ZNF732: variants seen among roughly 807,000 people sequenced by gnomAD.
The protein encoded by ZNF732 is zinc finger protein LOC654254.
In ZNF732, 12 loss-of-function variants were observed where a neutral mutation model predicts 11.5. The ratio of observed to expected loss-of-function variants is 1.05; its 90% CI spans 0.67 to 1.70. ZNF732 has a LOEUF of 1.70. Ranked by LOEUF, ZNF732 falls within the 40% of genes most tolerant of loss-of-function variation. The probability of loss-of-function intolerance (pLI) is 0.00; values close to 1 mark genes in which losing one functional copy is unlikely to be tolerated. For synonymous variants in ZNF732, 231 were observed against 236.5 expected (o/e 0.98, Z 0.21); for missense variants, 702 against 676.9 (o/e 1.04, Z -0.41).
intron 3 of ZNF732, among the ~76,000 whole-genome samples, chr4:280,571 G>A (rs1232643703): frequency 6.6e-6 from 1 of 151,954 alleles, no homozygotes; most frequent in Non-Finnish European, 1.5e-5. Flanking sequence ...GGCAACAAGA[G>A]CAAAAAATTC....
intron 3 of ZNF732, among the ~76,000 whole-genome samples, chr4:275,480 C>G (rs1226997453): frequency 6.6e-6 from 1 of 151,696 alleles, no homozygotes; most frequent in Non-Finnish European, 1.5e-5. Flanking sequence ...AGAGGCTTCA[C>G]AGCTCCTGAT....
chr4:299,604 ATTAT>A (rs1373248512), intron 1 of ZNF732, among the ~76,000 whole-genome samples: 3 of 126,756 alleles, frequency 2.4e-5, no homozygotes, highest in Non-Finnish European at 4.9e-5. Context: ...ATATTTATAA[ATTAT>A]TTATATATAA....
At chr4:277,713 A>G (rs897085493) in intron 3 of ZNF732, among the ~76,000 whole-genome samples, 2 of 152,094 alleles carry the variant, frequency 1.3e-5, no homozygotes, top group Non-Finnish European at 2.9e-5. Flanking sequence ...ATATTTAAAC[A>G]ATCAACAAAT....
In ZNF732 at chr4:293,282, GTA is replaced by G. The variant is rs139781518; in HGVS notation, c.226+2154_226+2155del. ...CACATATATATGTATATATGTATGT[GTA>G]TATATATATATATATGTGTGTGTGT... On this transcript the variant is annotated intron_variant, in intron 3 of 3. Transcript: ENST00000419098. 8.2e-3 allele frequency among the ~76,000 whole-genome samples: 1,148 copies of G among 140,150 alleles called. 8 individuals carry two copies. Among genetic ancestry groups the G allele is most frequent in the Middle Eastern group, 0.015 (4 of 270 alleles). 91.9% of individuals were successfully genotyped at this position (140,150 alleles called of 152,430 possible).
At position 283,972 on chromosome 4, in the gene ZNF732, G is replaced by A. The variant is rs1421845391; in HGVS notation, c.227-11342C>T. Reference sequence around the variant, plus strand: ...GTCGCCCAGGCTGTAGTGCAGTGGTGCGATCTCGGCTCACTGCAAGTTCCG... The same window carrying A: ...GTCGCCCAGGCTGTAGTGCAGTGGTACGATCTCGGCTCACTGCAAGTTCCG... On this transcript the variant is annotated intron_variant, in intron 3 of 3. Coordinates refer to ENST00000419098, the MANE Select transcript of ZNF732 (RefSeq NM_001137608.3). 7.9e-5 allele frequency among the ~76,000 whole-genome samples: 12 copies of A among 152,124 alleles called. 1 individual carries two copies. Among genetic ancestry groups the A allele is most frequent in the African/African-American group, 2.9e-4 (12 of 41,500 alleles).
chr4:295,382 C>T, intron 3 of ZNF732, 56 bp downstream of exon 3: 1 of 1,404,084 alleles, frequency 7.1e-7, no homozygotes, highest in Non-Finnish European at 9.7e-7. Context: ...GGCCTAGCTT[C>T]CTTCTGGACC....
At chr4:297,131 A>G (rs1398788608) in intron 1 of ZNF732, among the ~76,000 whole-genome samples, 2 of 152,054 alleles carry the variant, frequency 1.3e-5, no homozygotes, top group African/African-American at 4.8e-5. Flanking sequence ...AACCAGGCAT[A>G]GTGGCGTGCG....
chr4:295,590 A>C, intron 2 of ZNF732, 57 bp from the exon 3 acceptor site: 1 of 1,352,190 alleles, frequency 7.4e-7, no homozygotes, highest in Non-Finnish European at 1.0e-6. Context: ...TTACCTACCT[A>C]ATACTATACT....
intron 3 of ZNF732, among the ~76,000 whole-genome samples, chr4:291,440 T>A (rs781867158): frequency 6.6e-6 from 1 of 152,202 alleles, no homozygotes; most frequent in South Asian, 2.1e-4. Flanking sequence ...AAGAAAAAAA[T>A]TCAATTTGCA....
At chr4:294,933 T>C (rs564192336) in intron 3 of ZNF732, among the ~76,000 whole-genome samples, 3 of 152,308 alleles carry the variant, frequency 2.0e-5, no homozygotes, top group Admixed American at 2.0e-4. Flanking sequence ...AATTGCTGAG[T>C]AATAATTTTT....
chr4:299,620 TA>T (rs1471940590), intron 1 of ZNF732, among the ~76,000 whole-genome samples: 2 of 142,490 alleles, frequency 1.4e-5, no homozygotes, highest in Non-Finnish European at 3.0e-5. Context: ...TATATATAAA[TA>T]ATATATTTGT....
intron 3 of ZNF732, among the ~76,000 whole-genome samples, chr4:285,287 A>AG (rs1410785281): frequency 6.6e-6 from 1 of 152,218 alleles, no homozygotes; most frequent in Non-Finnish European, 1.5e-5. Flanking sequence ...ATACTGGCCC[A>AG]GGCAGGCAGC....
chr4:297,312 C>A (rs148295897), intron 1 of ZNF732, among the ~76,000 whole-genome samples: 1 of 151,512 alleles, frequency 6.6e-6, no homozygotes, highest in Non-Finnish European at 1.5e-5. Flanking sequence ...TGCATTAATG[C>A]GGTATTTATG....
chr4:305,201 G>C, intron 1 of ZNF732, 107 bp downstream of exon 1: 2 of 1,425,724 alleles, frequency 1.4e-6, no homozygotes, highest in Non-Finnish European at 1.9e-6. Context: ...TGAGGGCTGA[G>C]CGGCGGCAGC....
intron 3 of ZNF732, among the ~76,000 whole-genome samples, chr4:291,440 T>C (rs781867158): frequency 6.6e-6 from 1 of 152,084 alleles, no homozygotes; most frequent in Non-Finnish European, 1.5e-5. Flanking sequence ...AAGAAAAAAA[T>C]TCAATTTGCA....
Position 305,437 on chromosome 4 carries a change from G to C in ZNF732, c.-127C>G. 1 of 1,377,000 alleles carries C rather than the reference G, an allele frequency of 7.3e-7. No individual in the cohort carries two copies. The highest frequency in any genetic ancestry group is 1.0e-6 in the Non-Finnish European group (1 of 998,304). 85.3% of individuals were successfully genotyped at this position (1,377,000 alleles called of 1,614,324 possible). On this transcript the variant is annotated 5_prime_UTR_variant, in exon 1 of 4. Transcript: ENST00000419098. ...CTCCCTGAGGGGTGAAAGCACGGCC[G>C]TGGAGACCCTAACCGAGCTCACGCT...
intron 3 of ZNF732, among the ~76,000 whole-genome samples, chr4:279,163 G>A (rs553371156): frequency 6.6e-6 from 1 of 152,080 alleles, no homozygotes; most frequent in Admixed American, 6.5e-5. Flanking sequence ...TGGGGGCCGG[G>A]TGCAGTGGCT....
At chr4:297,061 A>T (rs1553842499) in intron 1 of ZNF732, among the ~76,000 whole-genome samples, 3 of 152,160 alleles carry the variant, frequency 2.0e-5, no homozygotes, top group Admixed American at 6.5e-5. Context: ...CAAGGTCAGG[A>T]GTTTGAGACC....
At position 296,026 on chromosome 4, in the gene ZNF732, C is replaced by A. The variant is rs1719943842; in HGVS notation, c.130+3G>T. 1 of 1,611,908 alleles carries A rather than the reference C, an allele frequency of 6.2e-7. No homozygotes were observed. The highest frequency in any genetic ancestry group is 1.3e-5 in the African/African-American group (1 of 74,746). The stretch of plus-strand genomic sequence containing the variant: ...AGGAATTATTTACTGAAGTTATCCT[C>A]ACCCAGGGAGATCAGGTTCCTGTAG... On this transcript the variant is annotated splice_donor_region_variant and intron_variant, in intron 2 of 3. Transcript: ENST00000419098.
Sources: gnomAD v4.1 joint callset for allele counts (sites outside exome capture counted in the v4.1 genomes callset) on GRCh38, gnomAD v4.1.1 for gene constraint, MANE v1.5 for transcripts, NCBI Gene and HGNC (gene_info 2026-07-23, HGNC 2026-07-21) for gene names.